Variants in EGFL7 observed in about 807,000 individuals in gnomAD.
EGFL7 encodes epidermal growth factor-like protein 7.
In EGFL7, 48 loss-of-function variants were observed where a neutral mutation model predicts 37.1. The ratio of observed to expected loss-of-function variants is 1.29; its 90% CI spans 1.03 to 1.65. The LOEUF (loss-of-function observed/expected upper bound fraction) is 1.65. EGFL7 is among the 40% of genes most tolerant of loss of function. The pLI is 0.00. For synonymous variants in EGFL7, 180 were observed against 156.8 expected, an observed-to-expected ratio of 1.15 and a Z score of -1.10; for missense variants, 384 against 378.9, an observed-to-expected ratio of 1.01 and a Z score of -0.11.
intron 3 of EGFL7, among the ~76,000 whole-genome samples, chr9:136,665,361 G>A (rs939026198): frequency 2.0e-5 from 3 of 152,248 alleles, no homozygotes; most frequent in African/African-American, 4.8e-5. Flanking sequence ...TGCGCCGGGC[G>A]CCTACCGCGC....
chr9:136,660,125 C>T (rs1368042902), upstream of EGFL7, among the ~76,000 whole-genome samples: 1 of 152,176 alleles, frequency 6.6e-6, no homozygotes, highest in Non-Finnish European at 1.5e-5. Flanking sequence ...GGCCCGCCTG[C>T]CCCTTGCTGA....
rs534780437 is a variant in EGFL7, at chr9:136,668,301, GTGC to G, written c.25_27del (p.Leu9del). The G allele has an allele frequency of 2.9e-5, 46 of 1,608,014 alleles. No individual in the cohort carries two copies. In the South Asian group the frequency reaches 4.9e-4, roughly 17 times the overall value. On this transcript the variant is annotated inframe_deletion, in exon 4 of 11. Coordinates refer to ENST00000308874, the MANE Select transcript of EGFL7 (RefSeq NM_016215.5). Reference sequence around the variant, plus strand: ...ACAGGCCATGAGGGGCTCTCAGGAGGTGCTGCTGATGTGGCTTCTGGTGTTGGC... The same window carrying G: ...ACAGGCCATGAGGGGCTCTCAGGAGGTGCTGATGTGGCTTCTGGTGTTGGC...
At chr9:136,667,955 GGCAGATGCCCAGCAGGATCCACTC>G (rs1300996772) in intron 3 of EGFL7, among the ~76,000 whole-genome samples, 1 of 152,196 alleles carries the variant, frequency 6.6e-6, no homozygotes, top group Non-Finnish European at 1.5e-5. Flanking sequence ...CGGAGCCTCG[GGCAGATGCCCAGCAGGATCCACTC>G]GATTCCTGCA....
chr9:136,664,984 G>A (rs371124067), intron 3 of EGFL7, among the ~76,000 whole-genome samples, 199 bp downstream of exon 3: 1 of 152,250 alleles, frequency 6.6e-6, no homozygotes, highest in East Asian at 1.9e-4. Flanking sequence ...TAGATCCCAG[G>A]GCTGTTTAGC....
chr9:136,671,330 C>T (rs1165244756), intron 9 of EGFL7, among the ~76,000 whole-genome samples: 3 of 151,294 alleles, frequency 2.0e-5, no homozygotes, highest in African/African-American at 4.9e-5. Context: ...GGTGAGACGT[C>T]GGCAGGGGGC....
At position 136,668,262 on chromosome 9, in the gene EGFL7, C is replaced by T. The variant is rs779294147; in HGVS notation, c.-21C>T. 60 of 1,589,662 alleles carry T rather than the reference C, an allele frequency of 3.8e-5. No homozygotes were observed. The highest frequency in any genetic ancestry group is 4.5e-5 in the East Asian group (2 of 43,996). Reference sequence around the variant, plus strand: ...CCAGGCCACCCAGAGGAGAAGGCCACCCCGCCTGGAGGCACAGGCCATGAG... The same window carrying T: ...CCAGGCCACCCAGAGGAGAAGGCCATCCCGCCTGGAGGCACAGGCCATGAG... On this transcript the variant is annotated 5_prime_UTR_variant, in exon 4 of 11. Transcript: ENST00000308874.
chr9:136,668,304 C>A lies in EGFL7; in HGVS notation c.22C>A (p.Leu8Met). The A allele has an allele frequency of 6.2e-7, 1 of 1,608,072 alleles. No individual in the cohort carries two copies. The highest frequency in any genetic ancestry group is 8.5e-7 in the Non-Finnish European group (1 of 1,177,830). Residue 8 changes from leucine (L) to methionine (M), a missense_variant, in exon 4 of 11, where the codon CTG (leucine) becomes ATG (methionine). Transcript: ENST00000308874. The part of the protein sequence containing the change: MRGSQEV[L>M]LMWLLVLAVG... ...GGCCATGAGGGGCTCTCAGGAGGTG[C>A]TGCTGATGTGGCTTCTGGTGTTGGC...
chr9:136,670,086 C>T (rs1845746196), intron 7 of EGFL7, 77 bp downstream of exon 7: 1 of 1,603,948 alleles, frequency 6.2e-7, no homozygotes, highest in Non-Finnish European at 8.5e-7. Context: ...TACTGCTGGC[C>T]CATGAGTGGG....
intron 10 of EGFL7, 83 bp downstream of exon 10, chr9:136,672,171 G>T (rs1564286342): frequency 6.2e-7 from 1 of 1,600,342 alleles, no homozygotes. Flanking sequence ...TGGGGGTCGG[G>T]GGCGACCAAA....
In EGFL7 at chr9:136,672,664, A is replaced by C; in HGVS notation, c.*378A>C. The C allele has an allele frequency of 5.9e-6, 2 of 340,046 alleles. No individual in the cohort carries two copies. Among genetic ancestry groups the C allele is most frequent in the Non-Finnish European group, 1.1e-5 (2 of 182,952 alleles). The allele number at this position is 340,046 out of a possible 1,614,324, so 21.1% of individuals were successfully genotyped here. ...GCTGCTGCCTGACCCCCAGCACAATAAAAATGAAACGTGAGCTGCTGTGTC... is the reference window on the plus strand; with the variant it reads ...GCTGCTGCCTGACCCCCAGCACAATCAAAATGAAACGTGAGCTGCTGTGTC... On this transcript the variant is annotated 3_prime_UTR_variant, in exon 11 of 11. Transcript: ENST00000308874.
At chr9:136,659,866 G>C (rs1845028827), upstream of EGFL7, among the ~76,000 whole-genome samples, 1 of 152,218 alleles carries the variant, frequency 6.6e-6, no homozygotes, top group African/African-American at 2.4e-5. Context: ...GATGAGGACA[G>C]GCGCAGGCCT....
In EGFL7 at chr9:136,668,668, C is replaced by G; in HGVS notation, c.192C>G (p.Thr64=). ...GCGACGGGCACCGGGCCTGCAGCAC[C>G]TACCGGTGAGTGCCCCACCACACCG... ...TTCDGHRACS[T]YRTIYRTAYR... Residue 64 remains threonine, a synonymous_variant, in exon 5 of 11, where the codon ACC becomes ACG. Coordinates refer to ENST00000308874, the MANE Select transcript of EGFL7 (RefSeq NM_016215.5). The G allele has an allele frequency of 6.2e-7, 1 of 1,601,482 alleles. No individual in the cohort carries two copies. Among genetic ancestry groups the G allele is most frequent in the Non-Finnish European group, 8.5e-7 (1 of 1,179,178 alleles).
At position 136,672,391 on chromosome 9, in the gene EGFL7, C is replaced by G. The variant is rs1213446730; in HGVS notation, c.*105C>G. ...CAGAAACCACCTCGGGGTGACTGAG[C>G]GGAAGGCCAGGCAGGGCCTTCCTCC... On this transcript the variant is annotated 3_prime_UTR_variant, in exon 11 of 11. Coordinates refer to ENST00000308874, the MANE Select transcript of EGFL7 (RefSeq NM_016215.5). 2 of 1,459,564 alleles carry G rather than the reference C, an allele frequency of 1.4e-6. No individual in the cohort carries two copies. The highest frequency in any genetic ancestry group is 1.9e-6 in the Non-Finnish European group (2 of 1,046,828). 90.4% of individuals were successfully genotyped at this position (1,459,564 alleles called of 1,614,324 possible). A position where few individuals can be genotyped will look rare whatever the true frequency, so the allele number is the denominator to read the frequency against.
At position 136,666,870 on chromosome 9, in the gene EGFL7, C is replaced by T. The variant is rs1845511770; in HGVS notation, c.-42-1371C>T. 6.6e-6 allele frequency among the ~76,000 whole-genome samples: 1 copy of T among 152,202 alleles called. No homozygotes were observed. Among genetic ancestry groups the T allele is most frequent in the African/African-American group, 2.4e-5 (1 of 41,448 alleles). On this transcript the variant is annotated intron_variant, in intron 3 of 10. Coordinates refer to ENST00000308874, the MANE Select transcript of EGFL7 (RefSeq NM_016215.5). The surrounding 1 kb of genome is among the most constrained non-coding windows in gnomAD (Gnocchi z 6.8). ...CCCCAGAGTTAATCTCCAGCCAGCTCTGCCCCCTCGACAAACTCCTGCCCA... is the reference window on the plus strand; with the variant it reads ...CCCCAGAGTTAATCTCCAGCCAGCTTTGCCCCCTCGACAAACTCCTGCCCA...
intron 3 of EGFL7, among the ~76,000 whole-genome samples, chr9:136,665,216 A>G (rs1845384558): frequency 6.6e-6 from 1 of 152,172 alleles, no homozygotes; most frequent in Admixed American, 6.5e-5. Flanking sequence ...CCCCCAACCT[A>G]ACACGCTAAG....
chr9:136,667,791 G>A (rs547545808), intron 3 of EGFL7, among the ~76,000 whole-genome samples: 65 of 152,314 alleles, frequency 4.3e-4, no homozygotes, highest in Non-Finnish European at 7.9e-4. Context: ...GGCTGAGGCC[G>A]GCAGGTCCCT....
intron 10 of EGFL7, 62 bp from the exon 11 acceptor site, chr9:136,672,202 C>G: frequency 6.2e-7 from 1 of 1,612,186 alleles, no homozygotes; most frequent in Non-Finnish European, 8.5e-7. Flanking sequence ...CCAGTCAGAT[C>G]TAGCTGGGCG....
Position 136,669,660 on chromosome 9 carries a change from TCGCTACGCGTGCTGCCC to T in EGFL7, c.255_271del (p.Tyr86LeufsTer41). The T allele has an allele frequency of 6.2e-7, 1 of 1,610,602 alleles. No individual in the cohort carries two copies. Among genetic ancestry groups the T allele is most frequent in the Non-Finnish European group, 8.5e-7 (1 of 1,179,240 alleles). ...GCCCTGGGCTGGCCCCTGCCAGGCC[TCGCTACGCGTGCTGCCC>T]CGGCTGGAAGAGGACCAGCGGGCTT... On this transcript the variant is annotated frameshift_variant, in exon 6 of 11. Transcript: ENST00000308874. LOFTEE classifies it high-confidence loss of function.
At chr9:136,662,290 G>A (rs1214169915), upstream of EGFL7, among the ~76,000 whole-genome samples, 1 of 152,194 alleles carries the variant, frequency 6.6e-6, no homozygotes, top group Non-Finnish European at 1.5e-5. Context: ...AGGGGAGAGA[G>A]CTTGGACTCC....
Sources: allele counts gnomAD v4.1 joint callset (sites outside exome capture counted in the v4.1 genomes callset), GRCh38; gene constraint gnomAD v4.1.1; non-coding constraint Gnocchi (gnomAD v3.1); transcripts MANE v1.5; gene names NCBI Gene and HGNC (gene_info 2026-07-23, HGNC 2026-07-21).